BMPER: variants seen among roughly 807,000 people sequenced by gnomAD.
BMPER encodes BMP binding endothelial regulator, also known as BMP-binding endothelial regulator protein.
A neutral mutation model predicts 87.3 loss-of-function variants in BMPER; 45 were observed. The ratio of observed to expected loss-of-function variants is 0.52; its 90% CI spans 0.41 to 0.66. The LOEUF (loss-of-function observed/expected upper bound fraction) is 0.66, where lower values mean the gene tolerates loss of function less well. BMPER is among the 30% of genes least tolerant of loss of function. BMPER has a pLI of 0.00. For missense variants in BMPER, 784 were observed against 867.5 expected (o/e 0.90, Z 1.21); for synonymous variants, 326 against 316.2 (o/e 1.03, Z -0.33).
chr7:34,041,039 G>A (rs1787819829), intron 6 of BMPER, among the ~76,000 whole-genome samples: 1 of 152,160 alleles, frequency 6.6e-6, no homozygotes, highest in Non-Finnish European at 1.5e-5. Context: ...AGGAGAGAAA[G>A]TTCTGGCCAT....
chr7:34,065,813 A>G (rs1331790988), intron 11 of BMPER, among the ~76,000 whole-genome samples: 1 of 152,212 alleles, frequency 6.6e-6, no homozygotes, highest in Non-Finnish European at 1.5e-5. Flanking sequence ...ACTTCATCAT[A>G]TATGTCCACT....
At chr7:33,985,504 G>T (rs1785979790) in intron 6 of BMPER, among the ~76,000 whole-genome samples, 1 of 151,900 alleles carries the variant, frequency 6.6e-6, no homozygotes, top group Non-Finnish European at 1.5e-5. Flanking sequence ...TTATTTCTTT[G>T]GCTAAGTTCT....
intron 13 of BMPER, among the ~76,000 whole-genome samples, chr7:34,134,837 G>A (rs895338531): frequency 3.9e-5 from 6 of 152,102 alleles, no homozygotes; most frequent in Admixed American, 1.3e-4. Flanking sequence ...TGTTAAAAGC[G>A]TACCTCTACT....
chr7:34,092,921 T>A (rs529098748), intron 13 of BMPER, among the ~76,000 whole-genome samples: 11 of 152,352 alleles, frequency 7.2e-5, no homozygotes, highest in Non-Finnish European at 1.5e-5. Context: ...AGAAAACTAT[T>A]CATATCTTAA....
intron 6 of BMPER, among the ~76,000 whole-genome samples, chr7:34,004,613 T>C (rs1359355014): frequency 6.6e-6 from 1 of 152,206 alleles, no homozygotes; most frequent in African/African-American, 2.4e-5. Context: ...CAAGTGACTT[T>C]CTTAAACTTA....
At chr7:34,103,670 A>G (rs950253894) in intron 13 of BMPER, among the ~76,000 whole-genome samples, 1 of 152,206 alleles carries the variant, frequency 6.6e-6, no homozygotes, top group African/African-American at 2.4e-5. Flanking sequence ...ATAGATTTTT[A>G]AAATAGCTTC....
At chr7:34,126,005 C>T (rs985506598) in intron 13 of BMPER, among the ~76,000 whole-genome samples, 22 of 152,330 alleles carry the variant, frequency 1.4e-4, no homozygotes, top group Non-Finnish European at 2.9e-4. Flanking sequence ...TAAACAAACA[C>T]AGTCCTTCAT....
At chr7:34,021,585 G>A (rs1038499289) in intron 6 of BMPER, among the ~76,000 whole-genome samples, 1 of 151,940 alleles carries the variant, frequency 6.6e-6, no homozygotes, top group Non-Finnish European at 1.5e-5. Context: ...ACCAAAGTCT[G>A]GCTCCAAAGT....
chr7:34,043,397 A>T (rs1246224488), intron 6 of BMPER, among the ~76,000 whole-genome samples: 2 of 152,142 alleles, frequency 1.3e-5, no homozygotes, highest in Admixed American at 1.3e-4. Flanking sequence ...GAATTGATGT[A>T]GACCTATAAG....
At chr7:33,910,369 C>G (rs1562624617) in intron 2 of BMPER, among the ~76,000 whole-genome samples, 1 of 152,188 alleles carries the variant, frequency 6.6e-6, no homozygotes, top group African/African-American at 2.4e-5. Context: ...GCCAGCCACA[C>G]CTAGATAAAT....
At chr7:33,914,469 A>G (rs1360497657) in intron 2 of BMPER, among the ~76,000 whole-genome samples, 1 of 152,176 alleles carries the variant, frequency 6.6e-6, no homozygotes, top group Non-Finnish European at 1.5e-5. Flanking sequence ...TGTCATAGAC[A>G]CTGTAGGAAG....
At chr7:33,959,666 A>G (rs912235181) in intron 3 of BMPER, among the ~76,000 whole-genome samples, 3 of 152,346 alleles carry the variant, frequency 2.0e-5, no homozygotes, top group South Asian at 4.1e-4. Flanking sequence ...CCCTTAATGC[A>G]TTGCATATTC....
chr7:34,031,923 T>TATATATAC (rs1787530997), intron 6 of BMPER, among the ~76,000 whole-genome samples: 6 of 103,782 alleles, frequency 5.8e-5, no homozygotes, highest in Admixed American at 2.9e-4. Context: ...TATATATATA[T>TATATATAC]ATATACACAC....
intron 14 of BMPER, among the ~76,000 whole-genome samples, chr7:34,147,977 A>G (rs1247025878): frequency 6.6e-6 from 1 of 152,120 alleles, no homozygotes; most frequent in African/African-American, 2.4e-5. Context: ...AAATCCGGTG[A>G]TGTCACTCCA....
At chr7:34,080,348 T>A (rs2127974660) in intron 12 of BMPER, among the ~76,000 whole-genome samples, 1 of 152,346 alleles carries the variant, frequency 6.6e-6, no homozygotes, top group South Asian at 2.1e-4. Flanking sequence ...GCTTATGGAA[T>A]GCCAGCCTAG....
chr7:33,962,952 C>G (rs1198335858), intron 3 of BMPER, among the ~76,000 whole-genome samples: 1 of 151,950 alleles, frequency 6.6e-6, no homozygotes, highest in Non-Finnish European at 1.5e-5. Flanking sequence ...GGTTTTATTC[C>G]TGGGCCATGA....
chr7:34,095,108 A>G (rs1789493853), intron 13 of BMPER, among the ~76,000 whole-genome samples: 1 of 152,220 alleles, frequency 6.6e-6, no homozygotes, highest in African/African-American at 2.4e-5. Flanking sequence ...TTCAATGGAT[A>G]AGATTGAACT....
intron 6 of BMPER, among the ~76,000 whole-genome samples, chr7:33,999,618 T>C (rs980184356): frequency 1.3e-5 from 2 of 152,256 alleles, no homozygotes; most frequent in African/African-American, 4.8e-5. Flanking sequence ...CCTTTCCTTC[T>C]GGGACCTTCA....
At chr7:33,994,697 G>A (rs994533764) in intron 6 of BMPER, among the ~76,000 whole-genome samples, 19 of 152,176 alleles carry the variant, frequency 1.2e-4, no homozygotes, top group Admixed American at 7.9e-4. Context: ...ACTTTAGGGC[G>A]TGATGATGGA....
Sources: gnomAD v4.1 joint callset for allele counts (sites outside exome capture counted in the v4.1 genomes callset) on GRCh38, gnomAD v4.1.1 for gene constraint, MANE v1.5 for transcripts, NCBI Gene and HGNC (gene_info 2026-07-23, HGNC 2026-07-21) for gene names.